Variants in ASPM observed in about 807,000 individuals in gnomAD.
ASPM encodes the protein assembly factor for spindle microtubules, also known as abnormal spindle-like microcephaly-associated protein.
Under a neutral mutation model 366.4 loss-of-function variants are expected in ASPM, and 256 were observed. The observed-to-expected ratio is 0.70, with a 90% confidence interval of 0.63 to 0.77. The LOEUF (loss-of-function observed/expected upper bound fraction) is 0.77. Ranked by LOEUF, ASPM falls within the 30% of genes least tolerant of loss-of-function variation. ASPM has a pLI of 0.00. For missense variants in ASPM, 4,146 were observed against 4,090.4 expected, an observed-to-expected ratio of 1.01 and a Z score of -0.37; for synonymous variants, 1,414 against 1,342.9, an observed-to-expected ratio of 1.05 and a Z score of -1.16.
At position 197,101,954 on chromosome 1, in the gene ASPM, C is replaced by G; in HGVS notation, c.7297G>C (p.Ala2433Pro). Reference protein sequence around the residue: ...VRRRFISLKKATIFVQRKYRA... With the variant: ...VRRRFISLKKPTIFVQRKYRA... ...TATTTCCTCTGAACAAAAATAGTAG[C>G]TTTTTTGAGGGAAATGAATCTTCTC... Residue 2433 changes from alanine to proline, a missense_variant, in exon 18 of 28, where the codon GCT (alanine) becomes CCT (proline). By Grantham distance (27) the Ala-to-Pro change is conservative. Coordinates refer to ENST00000367409, the MANE Select transcript of ASPM (RefSeq NM_018136.5). 1 of 1,612,668 alleles carries G rather than the reference C, an allele frequency of 6.2e-7. No individual in the cohort carries two copies. Among genetic ancestry groups the G allele is most frequent in the Non-Finnish European group, 8.5e-7 (1 of 1,179,268 alleles).
At chr1:197,107,908 T>A (rs1657460236) in intron 17 of ASPM, among the ~76,000 whole-genome samples, 1 of 152,058 alleles carries the variant, frequency 6.6e-6, no homozygotes, top group South Asian at 2.1e-4. Context: ...AAATAATACA[T>A]AAACAAATAG....
Position 197,143,148 on chromosome 1 carries a change from T to C in ASPM, c.1104A>G (p.Pro368=), listed in dbSNP as rs745584267. The C allele has an allele frequency of 4.3e-6, 7 of 1,613,378 alleles. 1 individual carries two copies. The South Asian group carries it at 4.4e-5, about 10-fold the overall frequency. The change falls in exon 3 of 28, where the codon CCA becomes CCG. Residue 368 remains proline (P), a synonymous_variant. Transcript: ENST00000367409. ...AHEIYQKILS[P]DSFIKDNYGL... ...CATAATTATCTTTTATGAAAGAATC[T>C]GGACTTAAAATTTTCTGATAAATTT... is the stretch of plus-strand genomic sequence containing the variant.
intron 17 of ASPM, among the ~76,000 whole-genome samples, chr1:197,116,410 T>C (rs77522446): frequency 1.1e-3 from 173 of 152,276 alleles, no homozygotes; most frequent in African/African-American, 3.8e-3. Context: ...GTTTGAAATA[T>C]TTTGAGAATT....
chr1:197,084,888 G>A (rs969472093), intron 27 of ASPM, among the ~76,000 whole-genome samples: 13 of 152,132 alleles, frequency 8.5e-5, no homozygotes, highest in African/African-American at 2.2e-4. Context: ...GAAAGTGTGC[G>A]ACCACTGAAA....
intron 17 of ASPM, among the ~76,000 whole-genome samples, chr1:197,109,637 TAGAA>T (rs1262419587): frequency 2.6e-5 from 4 of 151,822 alleles, no homozygotes; most frequent in Admixed American, 6.6e-5. Context: ...AAATAAAAAA[TAGAA>T]AGAATATTTA....
chr1:197,090,771 A>T, intron 23 of ASPM, 79 bp downstream of exon 23: 2 of 1,336,076 alleles, frequency 1.5e-6, no homozygotes, highest in Non-Finnish European at 2.1e-6. Flanking sequence ...AATGGTAACT[A>T]TGTTTTTATA....
rs1658638848 is a variant in ASPM at position 197,142,883 on chromosome 1, T to C, written c.1369A>G (p.Met457Val). ...ATAAAACTGTAGTAATTTGACTTCA[T>C]TTCTACTAGTTCTTCAAAAATAGCT... ...PKAIFEELVE[M>V]KSNYYSFIKQ... Residue 457 changes from methionine (M) to valine (V), a missense_variant, in exon 3 of 28, where the codon ATG (methionine) becomes GTG (valine). Physicochemically the swap from Met to Val is conservative, Grantham distance 21. Around this residue, in one of 3 missense-constraint regions of ASPM, gnomAD observed 3,624 missense variants for 3,591.7 expected, o/e 1.01. Transcript: ENST00000367409. 1 of 1,613,620 alleles carries C rather than the reference T, an allele frequency of 6.2e-7. No individual in the cohort carries two copies. The highest frequency in any genetic ancestry group is 1.1e-5 in the South Asian group (1 of 91,070).
intron 18 of ASPM, among the ~76,000 whole-genome samples, chr1:197,098,017 C>T (rs893031366): frequency 1.4e-5 from 2 of 147,360 alleles, no homozygotes; most frequent in South Asian, 2.1e-4. Context: ...TATATATATA[C>T]ACACACACAC....
intron 16 of ASPM, among the ~76,000 whole-genome samples, chr1:197,118,642 G>A (rs1034505185): frequency 6.6e-6 from 1 of 152,030 alleles, no homozygotes; most frequent in African/African-American, 2.4e-5. Flanking sequence ...CATATTCTAT[G>A]TCCAGCACCA....
chr1:197,139,015 C>G, intron 4 of ASPM: 1 of 725,736 alleles, frequency 1.4e-6, no homozygotes, highest in Non-Finnish European at 2.5e-6. Context: ...GCACTCTTGT[C>G]TTTTGGCTTC....
rs1656605761 is a variant in ASPM at position 197,086,877 on chromosome 1, G to A, written c.10257C>T (p.Tyr3419=). 1.2e-6 allele frequency: 2 copies of A among 1,611,236 alleles called. No homozygotes were observed. Among genetic ancestry groups the A allele is most frequent in the South Asian group, 1.1e-5 (1 of 91,006 alleles). Residue 3419 remains tyrosine (Y), a synonymous_variant, in exon 27 of 28, where the codon TAC becomes TAT. Coordinates refer to ENST00000367409, the MANE Select transcript of ASPM (RefSeq NM_018136.5). ...KHKMNTERIL[Y]KQKKNSSISI... is the part of the protein sequence containing the mutation. ...TTATAGAAGAATTCTTCTTTTGCTT[G>A]TAAAGTATTCTTTCAGTATTCATTT...
At chr1:197,094,941 T>C (rs1054572280) in intron 19 of ASPM, among the ~76,000 whole-genome samples, 1 of 151,736 alleles carries the variant, frequency 6.6e-6, no homozygotes, top group Non-Finnish European at 1.5e-5. Context: ...TATCTTTATA[T>C]GCTTTTTAAT....
intron 10 of ASPM, among the ~76,000 whole-genome samples, 162 bp from the exon 11 acceptor site, chr1:197,125,353 G>A (rs762136483): frequency 6.6e-6 from 1 of 152,056 alleles, no homozygotes; most frequent in Non-Finnish European, 1.5e-5. Flanking sequence ...CTCCATAGTC[G>A]GCAAGTAGAG....
intron 10 of ASPM, 111 bp downstream of exon 10, chr1:197,128,378 TA>T: frequency 9.4e-7 from 1 of 1,066,836 alleles, no homozygotes; most frequent in Non-Finnish European, 1.4e-6. Flanking sequence ...TTTTCAGTAC[TA>T]AATTTATTGT....
rs138727741 is a variant in ASPM at position 197,102,701 on chromosome 1, G to A, written c.6550C>T (p.Arg2184Trp). The A allele has an allele frequency of 8.7e-5, 140 of 1,612,520 alleles. No homozygotes were observed. The South Asian group carries it at 1.1e-3, about 12-fold the overall frequency. Reference sequence around the variant, plus strand: ...GCAGTCTGCATCTTTCTAAGAGTCCGTCTAACTCTTACTCCTCTAAAACTT... The same window carrying A: ...GCAGTCTGCATCTTTCTAAGAGTCCATCTAACTCTTACTCCTCTAAAACTT... Reference protein sequence around the residue: ...QASFRGVRVRRTLRKMQTAAT... With the variant: ...QASFRGVRVRWTLRKMQTAAT... Residue 2184 changes from arginine (R) to tryptophan (W), a missense_variant, in exon 18 of 28, where the codon CGG (arginine) becomes TGG (tryptophan). Physicochemically the swap from Arg to Trp is moderately radical, Grantham distance 101. Transcript: ENST00000367409.
At chr1:197,143,891 C>T (rs1658684567) in intron 2 of ASPM, 66 bp downstream of exon 2, 16 of 1,545,844 alleles carry the variant, frequency 1.0e-5, no homozygotes, top group Middle Eastern at 1.9e-4. Flanking sequence ...AGCCTGTTAT[C>T]AAAATAAGTT....
intron 18 of ASPM, among the ~76,000 whole-genome samples, chr1:197,099,671 C>G (rs1482240317): frequency 1.3e-5 from 2 of 151,704 alleles, no homozygotes; most frequent in African/African-American, 4.8e-5. Context: ...ATAACACCCA[C>G]TACAGCATTT....
At position 197,143,436 on chromosome 1, in the gene ASPM, A is replaced by AT; in HGVS notation, c.815dup (p.Asn272LysfsTer2). ...AGGAAGTTTCAGTTACAGCTTTCTC[A>AT]TTAAAAGAAACTTTTGAAACGTTGG... On this transcript the variant is annotated frameshift_variant, in exon 3 of 28. Coordinates refer to ENST00000367409, the MANE Select transcript of ASPM (RefSeq NM_018136.5). LOFTEE classifies it high-confidence loss of function. 1.2e-6 allele frequency: 2 copies of AT among 1,613,446 alleles called. No homozygotes were observed. The highest frequency in any genetic ancestry group is 1.7e-6 in the Non-Finnish European group (2 of 1,179,350).
Position 197,102,117 on chromosome 1 carries a change from C to T in ASPM, c.7134G>A (p.Arg2378=), listed in dbSNP as rs557952480. ...YQANRAAKLQ[R]QHYLRQRHSA... ...AGTGTCTTTGTCTGAGATAATGCTG[C>T]CTCTGCAGTTTTGCAGCTCTATTTG... Residue 2378 remains arginine (R), a synonymous_variant, in exon 18 of 28, where the codon AGG becomes AGA. Coordinates refer to ENST00000367409, the MANE Select transcript of ASPM (RefSeq NM_018136.5). The T allele has an allele frequency of 6.2e-7, 1 of 1,612,902 alleles. No individual in the cohort carries two copies. Among genetic ancestry groups the T allele is most frequent in the South Asian group, 1.1e-5 (1 of 91,062 alleles).
Sources: gnomAD v4.1 joint callset for allele counts (sites outside exome capture counted in the v4.1 genomes callset) on GRCh38, gnomAD v4.1.1 for gene constraint, gnomAD v4.1.1 regional missense constraint, MANE v1.5 for transcripts, NCBI Gene and HGNC (gene_info 2026-07-23, HGNC 2026-07-21) for gene names.